SGCD: variants seen among roughly 807,000 people sequenced by gnomAD.
SGCD encodes the protein sarcoglycan delta.
A neutral mutation model predicts 36.6 loss-of-function variants in SGCD; 18 were observed. The observed-to-expected ratio is 0.49, with a 90% CI of 0.34 to 0.73. The LOEUF (loss-of-function observed/expected upper bound fraction) is 0.73, where lower values mean the gene tolerates loss of function less well. SGCD is among the 30% of genes least tolerant of loss of function. SGCD has a pLI of 0.01. For synonymous variants in SGCD, 133 were observed against 130.6 expected, an observed-to-expected ratio of 1.02 and a Z score of -0.12; for missense variants, 387 against 346.7, an observed-to-expected ratio of 1.12 and a Z score of -0.92.
intron 2 of SGCD, among the ~76,000 whole-genome samples, chr5:156,339,656 G>A (rs528756998): frequency 5.9e-5 from 9 of 152,190 alleles, no homozygotes; most frequent in Admixed American, 5.9e-4. Context: ...TGTTTATACT[G>A]TAGTATTCTA....
intron 1 of SGCD, among the ~76,000 whole-genome samples, chr5:156,047,417 T>C (rs571410515): frequency 6.6e-6 from 1 of 152,252 alleles, no homozygotes; most frequent in African/African-American, 2.4e-5. Flanking sequence ...CCTGGCCTCA[T>C]TGCTTCAAAA....
chr5:155,779,126 T>G, the SGCD span, among the ~76,000 whole-genome samples: 27 of 152,316 alleles, frequency 1.8e-4, no homozygotes, highest in South Asian at 5.6e-3. Flanking sequence ...TAAAACCAAA[T>G]TGTCAAAACT....
chr5:156,744,219 G>A (rs1756833314), intron 7 of SGCD, among the ~76,000 whole-genome samples: 1 of 152,192 alleles, frequency 6.6e-6, no homozygotes, highest in Non-Finnish European at 1.5e-5. Flanking sequence ...TACCTGAGCT[G>A]GAACAACATT....
intron 1 of SGCD, among the ~76,000 whole-genome samples, chr5:156,049,174 G>A (rs190014791): frequency 3.4e-5 from 5 of 145,864 alleles, no homozygotes; most frequent in African/African-American, 7.4e-5. Context: ...GTTCTGTTCT[G>A]TTGGTCTATA....
intron 3 of SGCD, among the ~76,000 whole-genome samples, chr5:156,420,107 A>G (rs1773233235): frequency 6.6e-6 from 1 of 152,114 alleles, no homozygotes; most frequent in Non-Finnish European, 1.5e-5. Flanking sequence ...GTAACATTGC[A>G]AAAATATTTA....
At chr5:156,407,279 G>T (rs923153879) in intron 3 of SGCD, among the ~76,000 whole-genome samples, 4 of 152,140 alleles carry the variant, frequency 2.6e-5, no homozygotes, top group Non-Finnish European at 5.9e-5. Context: ...CAGCACATAA[G>T]CCTGGAACTG....
chr5:156,344,399 C>T, intron 2 of SGCD, 90 bp from the exon 3 acceptor site: 1 of 888,770 alleles, frequency 1.1e-6, no homozygotes, highest in Non-Finnish European at 1.7e-6. Flanking sequence ...AGCCATATCT[C>T]TTCATCAGTT....
chr5:156,695,272 G>A (rs1754266261), intron 7 of SGCD, among the ~76,000 whole-genome samples: 1 of 151,988 alleles, frequency 6.6e-6, no homozygotes, highest in Non-Finnish European at 1.5e-5. Flanking sequence ...CATTTTAAAT[G>A]GTAGACTTTG....
intron 1 of SGCD, among the ~76,000 whole-genome samples, chr5:155,918,915 G>A (rs750309146): frequency 1.6e-4 from 24 of 152,174 alleles, no homozygotes; most frequent in Admixed American, 2.6e-4. Flanking sequence ...CCTCTTTCCT[G>A]CTGGAAGCAC....
the SGCD span, among the ~76,000 whole-genome samples, chr5:155,736,218 T>G: frequency 6.6e-5 from 10 of 152,278 alleles, no homozygotes; most frequent in East Asian, 1.9e-3. Flanking sequence ...CATGCTCCTT[T>G]GAAAACATTA....
chr5:156,026,601 G>T (rs1216793268), intron 1 of SGCD, among the ~76,000 whole-genome samples: 1 of 152,182 alleles, frequency 6.6e-6, no homozygotes, highest in Non-Finnish European at 1.5e-5. Flanking sequence ...TCCTTGGGAA[G>T]GCTTAAGTAA....
At chr5:156,166,913 C>T (rs948914720) in intron 3 of SGCD, among the ~76,000 whole-genome samples, 2 of 152,282 alleles carry the variant, frequency 1.3e-5, no homozygotes, top group East Asian at 3.9e-4. Flanking sequence ...ACAGCCACAC[C>T]CCACAGGGAT....
At chr5:156,561,101 C>A (rs1429072728) in intron 4 of SGCD, among the ~76,000 whole-genome samples, 2 of 152,102 alleles carry the variant, frequency 1.3e-5, no homozygotes, top group African/African-American at 4.8e-5. Context: ...TGATTGAATT[C>A]AAAAATATGG....
At chr5:156,423,804 C>T (rs1396275595) in intron 3 of SGCD, among the ~76,000 whole-genome samples, 1 of 151,908 alleles carries the variant, frequency 6.6e-6, no homozygotes, top group Non-Finnish European at 1.5e-5. Flanking sequence ...TAGTAAGTAG[C>T]TTTACTGTTC....
intron 3 of SGCD, among the ~76,000 whole-genome samples, chr5:156,371,209 C>T (rs1034146682): frequency 3.9e-5 from 6 of 152,072 alleles, no homozygotes; most frequent in Non-Finnish European, 8.8e-5. Flanking sequence ...TTGAAGCAGT[C>T]CTTATGTTTG....
chr5:156,511,726 T>A (rs1009895411), intron 4 of SGCD, among the ~76,000 whole-genome samples: 5 of 152,210 alleles, frequency 3.3e-5, no homozygotes, highest in Non-Finnish European at 5.9e-5. Context: ...CTTATCATGT[T>A]TATATGTTTG....
chr5:156,047,825 CTTTTT>C (rs964489569), intron 1 of SGCD, among the ~76,000 whole-genome samples: 1 of 151,228 alleles, frequency 6.6e-6, no homozygotes, highest in Non-Finnish European at 1.5e-5. Flanking sequence ...TTTCTCTTTT[CTTTTT>C]TTTTAATTAT....
At chr5:156,250,497 G>T (rs1765547056) in intron 3 of SGCD, among the ~76,000 whole-genome samples, 1 of 152,132 alleles carries the variant, frequency 6.6e-6, no homozygotes, top group Non-Finnish European at 1.5e-5. Flanking sequence ...TTGGTGTCCA[G>T]CTCCTGCCCT....
intron 3 of SGCD, among the ~76,000 whole-genome samples, chr5:156,172,367 C>T (rs1763365692): frequency 6.6e-6 from 1 of 152,332 alleles, no homozygotes; most frequent in East Asian, 1.9e-4. Context: ...AGCCTCTGCT[C>T]CTTCATGTTA....
Sources: gnomAD v4.1 joint callset for allele counts (sites outside exome capture counted in the v4.1 genomes callset) on GRCh38, gnomAD v4.1.1 for gene constraint, MANE v1.5 for transcripts, NCBI Gene and HGNC (gene_info 2026-07-23, HGNC 2026-07-21) for gene names.